The following VPS13A variants were observed in gnomAD, a reference collection of about 807,000 sequenced individuals.
VPS13A encodes the protein intermembrane lipid transfer protein VPS13A.
A neutral mutation model predicts 390.9 loss-of-function variants in VPS13A; 264 were observed. The observed-to-expected ratio is 0.68, with a 90% CI of 0.61 to 0.75. The LOEUF is 0.75. Ranked by LOEUF, VPS13A falls within the 30% of genes least tolerant of loss-of-function variation. The pLI, the probability that VPS13A is intolerant of heterozygous loss-of-function variation, is 0.00. For synonymous variants in VPS13A, 1,231 were observed against 1,227.1 expected (o/e 1.00, Z -0.07); for missense variants, 3,409 against 3,733.9 (o/e 0.91, Z 2.27).
chr9:77,298,747 T>C (rs1175127883), intron 33 of VPS13A, among the ~76,000 whole-genome samples: 1 of 152,126 alleles, frequency 6.6e-6, no homozygotes, highest in Non-Finnish European at 1.5e-5. Context: ...AATTCCCACA[T>C]GTTGTGGGAG....
At chr9:77,377,808 G>T (rs1365108626) in intron 67 of VPS13A, among the ~76,000 whole-genome samples, 3 of 152,036 alleles carry the variant, frequency 2.0e-5, no homozygotes, top group Non-Finnish European at 4.4e-5. Context: ...TTAATCTTAG[G>T]GGGAAAGCTT....
intron 68 of VPS13A, among the ~76,000 whole-genome samples, chr9:77,396,939 A>T (rs1305232539): frequency 6.6e-6 from 1 of 152,172 alleles, no homozygotes; most frequent in East Asian, 1.9e-4. Context: ...TGTTATCTAT[A>T]TATTTTCTTG....
chr9:77,364,111 C>T (rs1404009615), intron 59 of VPS13A, among the ~76,000 whole-genome samples: 1 of 152,020 alleles, frequency 6.6e-6, no homozygotes, highest in Non-Finnish European at 1.5e-5. Flanking sequence ...GCTTTTTTAC[C>T]CTGCACAGAG....
rs757715681 is a variant in VPS13A at position 77,319,684 on chromosome 9, A to G, written c.5415+11A>G. On this transcript the variant is annotated intron_variant, in intron 42 of 71. Coordinates refer to ENST00000360280, the MANE Select transcript of VPS13A (RefSeq NM_033305.3). ...AATCTTGGTATCAAGGTATATCTAT[A>G]TATGTCTATGTGTGTATATATATAT... The G allele has an allele frequency of 1.4e-6, 2 of 1,415,076 alleles. No homozygotes were observed. The highest frequency in any genetic ancestry group is 1.2e-5 in the South Asian group (1 of 86,028). 87.7% of individuals were successfully genotyped at this position (1,415,076 alleles called of 1,614,324 possible). A position where few individuals can be genotyped will look rare whatever the true frequency, so the allele number is the denominator to read the frequency against.
At position 77,214,381 on chromosome 9, in the gene VPS13A, A is replaced by G. The variant is rs1822732140; in HGVS notation, c.749A>G (p.Asp250Gly). Residue 250 changes from aspartate (D) to glycine (G), a missense_variant, in exon 10 of 72, where the codon GAT becomes GGT. Physicochemically the swap from Asp to Gly is moderately conservative, Grantham distance 94. Around this residue, in one of 5 missense-constraint regions of VPS13A, gnomAD observed 2,717 missense variants for 2,917.4 expected, o/e 0.93. Coordinates refer to ENST00000360280, the MANE Select transcript of VPS13A (RefSeq NM_033305.3). The part of the protein sequence containing the change: ...VNENIVPEGY[D>G]FVFRPISANA... ...GAAAATATTGTTCCAGAAGGTTATG[A>G]TTTTGGTAAGTACATTTTATAAGAT... 1.2e-6 allele frequency: 2 copies of G among 1,612,332 alleles called. No individual in the cohort carries two copies. The highest frequency in any genetic ancestry group is 4.5e-5 in the East Asian group (2 of 44,812).
intron 23 of VPS13A, among the ~76,000 whole-genome samples, chr9:77,269,647 A>G (rs1278901552): frequency 1.3e-5 from 2 of 152,230 alleles, no homozygotes; most frequent in African/African-American, 4.8e-5. Flanking sequence ...GTTCATTAAC[A>G]TGGTATATCT....
intron 19 of VPS13A, among the ~76,000 whole-genome samples, chr9:77,240,348 A>C (rs558056487): frequency 6.6e-6 from 1 of 151,126 alleles, no homozygotes; most frequent in African/African-American, 2.4e-5. Flanking sequence ...CGACCTCCCA[A>C]AGTGCTGGGA....
chr9:77,335,863 A>G (rs1830513394), intron 46 of VPS13A, among the ~76,000 whole-genome samples: 1 of 152,218 alleles, frequency 6.6e-6, no homozygotes, highest in Non-Finnish European at 1.5e-5. Flanking sequence ...GTATATACCC[A>G]AAGAACTATA....
chr9:77,385,545 A>T (rs1833646365), intron 68 of VPS13A, among the ~76,000 whole-genome samples: 1 of 152,072 alleles, frequency 6.6e-6, no homozygotes. Flanking sequence ...TCTCTGAAAG[A>T]TCCATTAGTA....
intron 31 of VPS13A, among the ~76,000 whole-genome samples, chr9:77,291,924 G>A (rs1431132705): frequency 6.6e-6 from 1 of 152,146 alleles, no homozygotes; most frequent in East Asian, 1.9e-4. Flanking sequence ...CCCCAGCAGA[G>A]GGAGACCTCT....
chr9:77,352,232 G>C (rs902640430), intron 53 of VPS13A, among the ~76,000 whole-genome samples: 4 of 152,152 alleles, frequency 2.6e-5, no homozygotes, highest in Non-Finnish European at 4.4e-5. Context: ...ATAAAGTTAT[G>C]CACATATATT....
intron 2 of VPS13A, 59 bp from the exon 3 acceptor site, chr9:77,201,306 T>A (rs899027958): frequency 1.2e-5 from 15 of 1,216,444 alleles, no homozygotes; most frequent in Admixed American, 3.5e-5. Context: ...GAGTATTCAT[T>A]TATGTTGTTA....
At chr9:77,315,971 A>G (rs1829356435) in intron 38 of VPS13A, among the ~76,000 whole-genome samples, 1 of 151,986 alleles carries the variant, frequency 6.6e-6, no homozygotes, top group South Asian at 2.1e-4. Flanking sequence ...TTCCAATTAA[A>G]TAGTGGAGAT....
intron 23 of VPS13A, among the ~76,000 whole-genome samples, chr9:77,263,377 G>T (rs1274188060): frequency 6.6e-6 from 1 of 151,982 alleles, no homozygotes; most frequent in Non-Finnish European, 1.5e-5. Flanking sequence ...AAAGTGCTGG[G>T]ATTACAGGTG....
chr9:77,249,722 G>A (rs1825046438), intron 20 of VPS13A, among the ~76,000 whole-genome samples: 2 of 152,074 alleles, frequency 1.3e-5, no homozygotes, highest in African/African-American at 4.8e-5. Flanking sequence ...ACTTCTTATT[G>A]TACAGCCATG....
intron 68 of VPS13A, among the ~76,000 whole-genome samples, chr9:77,392,638 A>G (rs1427380045): frequency 6.6e-6 from 1 of 152,030 alleles, no homozygotes; most frequent in African/African-American, 2.4e-5. Context: ...AGTCACACGC[A>G]TATATTTGTT....
chr9:77,274,786 A>G (rs537763515), intron 24 of VPS13A, among the ~76,000 whole-genome samples: 4 of 152,162 alleles, frequency 2.6e-5, no homozygotes, highest in Admixed American at 1.3e-4. Flanking sequence ...TTAGAGAACA[A>G]TTTTTCTTTA....
At chr9:77,195,084 T>A (rs1824909153) in intron 1 of VPS13A, among the ~76,000 whole-genome samples, 1 of 152,200 alleles carries the variant, frequency 6.6e-6, no homozygotes, top group African/African-American at 2.4e-5. Context: ...TGCTTTATTC[T>A]AAGTTTTATA....
intron 13 of VPS13A, among the ~76,000 whole-genome samples, chr9:77,222,919 G>A (rs118062591): frequency 2.6e-3 from 395 of 152,240 alleles, no homozygotes; most frequent in Non-Finnish European, 4.2e-3. Flanking sequence ...CCAAGTTTTG[G>A]CCAATCACAT....
Sources: allele counts gnomAD v4.1 joint callset (sites outside exome capture counted in the v4.1 genomes callset), GRCh38; gene constraint gnomAD v4.1.1; regional missense constraint gnomAD v4.1.1; transcripts MANE v1.5; gene names NCBI Gene and HGNC (gene_info 2026-07-23, HGNC 2026-07-21).